SUCLG2: variants seen among roughly 807,000 people sequenced by gnomAD.
The protein encoded by SUCLG2 is succinate-CoA ligase GDP-forming subunit beta, also known as succinate--CoA ligase [GDP-forming] subunit beta, mitochondrial.
Under a neutral mutation model 47.9 loss-of-function variants are expected in SUCLG2, and 42 were observed. That is an observed-to-expected ratio of 0.88 (90% CI 0.69 to 1.14). The LOEUF (loss-of-function observed/expected upper bound fraction) is 1.14, where lower values mean the gene tolerates loss of function less well. Ranked by LOEUF, SUCLG2 falls within the 50% of genes most tolerant of loss-of-function variation. SUCLG2 has a pLI of 0.00. For missense variants in SUCLG2, 571 were observed against 525.9 expected (o/e 1.09, Z -0.84); for synonymous variants, 195 against 197.3 (o/e 0.99, Z 0.10).
At chr3:67,489,596 A>G (rs1705154214) in intron 9 of SUCLG2, among the ~76,000 whole-genome samples, 1 of 152,248 alleles carries the variant, frequency 6.6e-6, no homozygotes, top group African/African-American at 2.4e-5. Flanking sequence ...CATTTCAAAA[A>G]TAATGCTTGT....
chr3:67,595,532 G>A lies in SUCLG2; in HGVS notation c.226+13923C>T, dbSNP rs545589242. ...AGAGGGTGTGAAGAGATGGCTCTGC[G>A]TCCTAAGCGAAGGTAAGCAACCTCA... On this transcript the variant is annotated intron_variant, in intron 2 of 10. Coordinates refer to ENST00000307227, the MANE Select transcript of SUCLG2 (RefSeq NM_003848.4). Among the ~76,000 whole-genome samples the A allele has an allele frequency of 1.6e-4, 25 of 152,224 alleles. No homozygotes were observed. In the East Asian group the frequency reaches 3.9e-3, roughly 24 times the overall value.
chr3:67,441,276 G>A (rs1703757798), intron 9 of SUCLG2, among the ~76,000 whole-genome samples: 1 of 151,948 alleles, frequency 6.6e-6, no homozygotes, highest in African/African-American at 2.4e-5. Context: ...ACCTAATGTA[G>A]ATGACAGGTT....
intron 1 of SUCLG2, among the ~76,000 whole-genome samples, chr3:67,610,372 T>G (rs1700506331): frequency 6.6e-6 from 1 of 152,190 alleles, no homozygotes; most frequent in South Asian, 2.1e-4. Flanking sequence ...TTTTCCAATA[T>G]GCACTACGTG....
At chr3:67,474,045 C>G (rs552377554) in intron 9 of SUCLG2, among the ~76,000 whole-genome samples, 1 of 152,228 alleles carries the variant, frequency 6.6e-6, no homozygotes, top group African/African-American at 2.4e-5. Flanking sequence ...ATCACGAGGT[C>G]AGGAGATCAA....
intron 2 of SUCLG2, among the ~76,000 whole-genome samples, chr3:67,562,206 G>A (rs1707325660): frequency 2.0e-5 from 3 of 152,062 alleles, no homozygotes; most frequent in African/African-American, 7.2e-5. Context: ...GTAATCTTCA[G>A]TCATAGTGGC....
Position 67,400,779 on chromosome 3 carries a change from C to T in SUCLG2, c.1135G>A (p.Ala379Thr). Reference sequence around the variant, plus strand: ...ACCTTGAGTTCTAGCTCCCGGCAGGCTTTGGTGATCCCATTGGCAATGATG... The same window carrying T: ...ACCTTGAGTTCTAGCTCCCGGCAGGTTTTGGTGATCCCATTGGCAATGATG... ...CAIIANGITK[A>T]CRELELKVPL... Residue 379 changes from alanine to threonine, a missense_variant, in exon 10 of 11, where the codon GCC becomes ACC. Coordinates refer to ENST00000307227, the MANE Select transcript of SUCLG2 (RefSeq NM_003848.4). The T allele has an allele frequency of 6.2e-7, 1 of 1,612,180 alleles. No homozygotes were observed. Among genetic ancestry groups the T allele is most frequent in the Non-Finnish European group, 8.5e-7 (1 of 1,179,926 alleles).
intron 10 of SUCLG2, among the ~76,000 whole-genome samples, chr3:67,387,688 A>G (rs970989749): frequency 8.5e-5 from 13 of 152,224 alleles, no homozygotes; most frequent in African/African-American, 3.1e-4. Context: ...AAATATGCAA[A>G]ATACCACATT....
At position 67,395,954 on chromosome 3, in the gene SUCLG2, A is replaced by T. The variant is rs573747964; in HGVS notation, c.1183+4777T>A. Among the ~76,000 whole-genome samples the T allele has an allele frequency of 2.0e-5, 3 of 152,342 alleles. No homozygotes were observed. In the East Asian group the frequency reaches 5.8e-4, roughly 29 times the overall value. On this transcript the variant is annotated intron_variant, in intron 10 of 10. Transcript: ENST00000307227. ...CATAAGTAAATGAAGGCAGAAATAA[A>T]GATGTTTTTTGAAACCAACGAGAAC...
intron 10 of SUCLG2, among the ~76,000 whole-genome samples, chr3:67,398,842 T>TA (rs1488961090): frequency 1.3e-5 from 2 of 152,028 alleles, no homozygotes; most frequent in East Asian, 1.9e-4. Flanking sequence ...TATGCAGTCA[T>TA]AAAAAATGAT....
chr3:67,520,557 G>C lies in SUCLG2; in HGVS notation c.495C>G (p.Pro165=). 1 of 1,614,132 alleles carries C rather than the reference G, an allele frequency of 6.2e-7. No individual in the cohort carries two copies. Among genetic ancestry groups the C allele is most frequent in the Non-Finnish European group, 8.5e-7 (1 of 1,179,978 alleles). Reference sequence around the variant, plus strand: ...CCCCCTGGGGGCTGCCCACCAGCACGGGGCCATTGCAGGACCGGTCCATCA... The same window carrying C: ...CCCCCTGGGGGCTGCCCACCAGCACCGGGCCATTGCAGGACCGGTCCATCA... ...AILMDRSCNG[P]VLVGSPQGGV... is the part of the protein sequence containing the mutation. Residue 165 remains proline (P), a synonymous_variant, in exon 5 of 11, where the codon CCC becomes CCG. Transcript: ENST00000307227.
intron 10 of SUCLG2, among the ~76,000 whole-genome samples, chr3:67,364,858 T>C (rs1389311373): frequency 6.6e-6 from 1 of 152,202 alleles, no homozygotes; most frequent in Non-Finnish European, 1.5e-5. Flanking sequence ...GGCAGAATCA[T>C]CTAACGGACA....
In SUCLG2 at chr3:67,472,067, G is replaced by GA. The variant is rs200690971; in HGVS notation, c.1062+23730dup. On this transcript the variant is annotated intron_variant, in intron 9 of 10. Transcript: ENST00000307227. ...TACATTATAAATGGATAAAATCACT[G>GA]AAAAAAAAATCAAATCTAGTTTCAT... is the stretch of plus-strand genomic sequence containing the variant. 6.2e-4 allele frequency among the ~76,000 whole-genome samples: 94 copies of GA among 150,656 alleles called. No homozygotes were observed. The East Asian group carries it at 8.9e-3, about 14-fold the overall frequency.
At chr3:67,630,407 G>A (rs1037497194) in intron 1 of SUCLG2, among the ~76,000 whole-genome samples, 5 of 152,214 alleles carry the variant, frequency 3.3e-5, no homozygotes, top group East Asian at 3.9e-4. Flanking sequence ...CCTTTCTTTC[G>A]AAAACAACTG....
intron 2 of SUCLG2, among the ~76,000 whole-genome samples, chr3:67,555,714 G>C (rs1440590598): frequency 2.0e-5 from 3 of 152,196 alleles, no homozygotes; most frequent in Admixed American, 2.0e-4. Context: ...TAAGGTAGAA[G>C]AACAGGCTCT....
chr3:67,497,543 TC>T (rs576314748), intron 8 of SUCLG2, among the ~76,000 whole-genome samples: 2 of 152,182 alleles, frequency 1.3e-5, no homozygotes, highest in South Asian at 4.1e-4. Flanking sequence ...AAACATTTCA[TC>T]CTTTGGTTAT....
chr3:67,458,991 G>A (rs1704259373), intron 9 of SUCLG2, among the ~76,000 whole-genome samples: 1 of 152,142 alleles, frequency 6.6e-6, no homozygotes, highest in African/African-American at 2.4e-5. Context: ...GAGAAAAGGG[G>A]CTTTTTTATG....
chr3:67,542,481 T>C (rs1394354843), intron 2 of SUCLG2, among the ~76,000 whole-genome samples: 2 of 152,052 alleles, frequency 1.3e-5, no homozygotes, highest in South Asian at 2.1e-4. Context: ...CACAAAACAA[T>C]ATTAACCTTA....
chr3:67,570,305 C>T (rs748212952), intron 2 of SUCLG2, among the ~76,000 whole-genome samples: 12 of 152,192 alleles, frequency 7.9e-5, no homozygotes, highest in Non-Finnish European at 1.3e-4. Flanking sequence ...TTACATTCTC[C>T]CTGAATTGCC....
At position 67,528,644 on chromosome 3, in the gene SUCLG2, A is replaced by T. The variant is rs147589149; in HGVS notation, c.327-422T>A. Among the ~76,000 whole-genome samples, 130 of 152,242 alleles carry T rather than the reference A, an allele frequency of 8.5e-4. 1 individual carries two copies. Among genetic ancestry groups the T allele is most frequent in the African/African-American group, 3.0e-3 (126 of 41,566 alleles). Reference sequence around the variant, plus strand: ...GTGTGACAGGAACAGGGAGGAGAGGAAAGTGTTCAGTGCTAGGAGATGCAG... The same window carrying T: ...GTGTGACAGGAACAGGGAGGAGAGGTAAGTGTTCAGTGCTAGGAGATGCAG... On this transcript the variant is annotated intron_variant, in intron 3 of 10. Transcript: ENST00000307227.
Sources: allele counts gnomAD v4.1 joint callset (sites outside exome capture counted in the v4.1 genomes callset), GRCh38; gene constraint gnomAD v4.1.1; transcripts MANE v1.5; gene names NCBI Gene and HGNC (gene_info 2026-07-23, HGNC 2026-07-21).